The following RANBP2 variants were observed in gnomAD, a reference collection of about 807,000 sequenced individuals.
The protein encoded by RANBP2 is E3 SUMO-protein ligase RanBP2.
RANBP2 carries 57 observed loss-of-function variants against 303.6 expected under a neutral mutation model. The ratio of observed to expected loss-of-function variants is 0.19; its 90% CI spans 0.15 to 0.23. The LOEUF (loss-of-function observed/expected upper bound fraction) is 0.23, where lower values mean the gene tolerates loss of function less well. Among genes scored for constraint, RANBP2 ranks in the 10% least tolerant of loss-of-function variants. The pLI is 1.00. For synonymous variants in RANBP2, 1,167 were observed against 1,301.5 expected (o/e 0.90, Z 2.23); for missense variants, 3,138 against 3,780.8 (o/e 0.83, Z 4.46).
the RANBP2 span, among the ~76,000 whole-genome samples, chr2:109,256,358 G>T: frequency 6.6e-6 from 1 of 152,242 alleles, no homozygotes; most frequent in Admixed American, 6.5e-5. Context: ...GGGCTTGTCA[G>T]TTGACAGTGT....
chr2:109,133,698 G>T, the RANBP2 span, among the ~76,000 whole-genome samples: 1 of 149,782 alleles, frequency 6.7e-6, no homozygotes, highest in Admixed American at 6.7e-5. Flanking sequence ...TTCATACATG[G>T]TCATCTTGAT....
the RANBP2 span, chr2:109,565,827 C>CAT: frequency 6.2e-7 from 1 of 1,614,116 alleles, no homozygotes; most frequent in African/African-American, 1.3e-5. Context: ...TTACCTCATC[C>CAT]ATACTTCCCA....
At chr2:108,845,049 A>AT in the RANBP2 span, among the ~76,000 whole-genome samples, 1 of 149,232 alleles carries the variant, frequency 6.7e-6, no homozygotes. Flanking sequence ...CCTGGCCCAC[A>AT]TTTTTTTTTC....
the RANBP2 span, among the ~76,000 whole-genome samples, chr2:109,475,569 C>T: frequency 6.6e-6 from 1 of 152,202 alleles, no homozygotes; most frequent in East Asian, 1.9e-4. Flanking sequence ...GAGGCTGACA[C>T]CTGCCCTGTA....
At chr2:109,698,270 A>C in the RANBP2 span, among the ~76,000 whole-genome samples, 1 of 151,918 alleles carries the variant, frequency 6.6e-6, no homozygotes, top group Non-Finnish European at 1.5e-5. Context: ...TAGACACTGT[A>C]TCAAATGGTC....
At chr2:109,469,233 A>T in the RANBP2 span, among the ~76,000 whole-genome samples, 1 of 152,214 alleles carries the variant, frequency 6.6e-6, no homozygotes, top group Non-Finnish European at 1.5e-5. Flanking sequence ...ATATTCCTGG[A>T]TGAGTGAGAA....
the RANBP2 span, among the ~76,000 whole-genome samples, chr2:108,849,732 T>C: frequency 6.6e-6 from 1 of 152,358 alleles, no homozygotes; most frequent in South Asian, 2.1e-4. Flanking sequence ...GAGTTCTCCC[T>C]TTCCTTATAG....
chr2:108,752,934 A>G (rs1397245167), intron 12 of RANBP2, 64 bp from the exon 13 acceptor site: 1 of 1,607,464 alleles, frequency 6.2e-7, no homozygotes, highest in Non-Finnish European at 8.5e-7. Flanking sequence ...TCAACTTGTA[A>G]ATGAACTTTA....
At chr2:109,483,422 C>T in the RANBP2 span, among the ~76,000 whole-genome samples, 7 of 152,318 alleles carry the variant, frequency 4.6e-5, no homozygotes, top group East Asian at 1.9e-4. Flanking sequence ...CGTATGCTCT[C>T]GGTGCCCAGC....
chr2:109,347,082 G>T, the RANBP2 span, among the ~76,000 whole-genome samples: 1 of 152,186 alleles, frequency 6.6e-6, no homozygotes, highest in Non-Finnish European at 1.5e-5. Context: ...TGCCATGCAC[G>T]CCTGCTGCTC....
At chr2:108,789,584 C>T (rs1679556850), downstream of RANBP2, among the ~76,000 whole-genome samples, 1 of 152,102 alleles carries the variant, frequency 6.6e-6, no homozygotes, top group Non-Finnish European at 1.5e-5. Context: ...ATGAGCAAAA[C>T]TGTCCTGAAG....
the RANBP2 span, among the ~76,000 whole-genome samples, chr2:109,031,913 C>T: frequency 3.4e-5 from 5 of 144,938 alleles, no homozygotes; most frequent in African/African-American, 1.3e-4. Context: ...CCTTCTTCCC[C>T]TCCCCCCACA....
chr2:108,724,513 G>C (rs982976017), intron 1 of RANBP2, among the ~76,000 whole-genome samples: 1 of 152,018 alleles, frequency 6.6e-6, no homozygotes, highest in African/African-American at 2.4e-5. Flanking sequence ...AAGTTCTGTT[G>C]TTAGGAGTCC....
chr2:109,105,799 C>A, the RANBP2 span, among the ~76,000 whole-genome samples: 5 of 151,652 alleles, frequency 3.3e-5, no homozygotes, highest in Non-Finnish European at 5.9e-5. Context: ...TGATGATCCA[C>A]CCATCTTGGC....
the RANBP2 span, chr2:109,129,625 G>T: frequency 1.3e-6 from 2 of 1,491,856 alleles, no homozygotes; most frequent in Admixed American, 2.2e-5. Context: ...CAGGCCAGGC[G>T]AGCGACGGCG....
chr2:109,046,058 A>T, the RANBP2 span, among the ~76,000 whole-genome samples: 1 of 152,236 alleles, frequency 6.6e-6, no homozygotes, highest in Non-Finnish European at 1.5e-5. Context: ...TAATCCCAGC[A>T]CTTTGGGAGG....
chr2:109,605,082 C>G, the RANBP2 span: 1 of 152,162 alleles, frequency 6.6e-6, no homozygotes, highest in Non-Finnish European at 1.5e-5. Flanking sequence ...ATATACGTGG[C>G]CCAGTGGTAA....
chr2:109,419,942 A>G, the RANBP2 span, among the ~76,000 whole-genome samples: 8 of 152,228 alleles, frequency 5.3e-5, no homozygotes, highest in East Asian at 1.5e-3. Flanking sequence ...CAAGCTCTCC[A>G]TAGCATGGAA....
the RANBP2 span, among the ~76,000 whole-genome samples, chr2:109,735,170 CCT>C: frequency 6.6e-6 from 1 of 152,160 alleles, no homozygotes; most frequent in Non-Finnish European, 1.5e-5. Context: ...CACCTCCCTG[CCT>C]TTCCTAGCCC....
Sources: allele counts gnomAD v4.1 joint callset (sites outside exome capture counted in the v4.1 genomes callset), GRCh38; gene constraint gnomAD v4.1.1; transcripts MANE v1.5; gene names NCBI Gene and HGNC (gene_info 2026-07-23, HGNC 2026-07-21).